The following BICDL1 variants were observed in gnomAD, a reference collection of about 807,000 sequenced individuals.
The protein encoded by BICDL1 is BICD family-like cargo adapter 1.
Under a neutral mutation model 76.8 loss-of-function variants are expected in BICDL1, and 20 were observed. The ratio of observed to expected loss-of-function variants is 0.26; its 90% CI spans 0.18 to 0.38. BICDL1 has a LOEUF of 0.38. Among genes scored for constraint, BICDL1 ranks in the 10% least tolerant of loss-of-function variants. The pLI is 1.00. For missense variants in BICDL1, 700 were observed against 798.6 expected (o/e 0.88, Z 1.49); for synonymous variants, 383 against 337.1 (o/e 1.14, Z -1.49).
intron 8 of BICDL1, among the ~76,000 whole-genome samples, chr12:120,083,821 A>G (rs567693911): frequency 6.6e-6 from 1 of 151,482 alleles, no homozygotes; most frequent in East Asian, 2.0e-4. Flanking sequence ...ATGCTTGGCT[A>G]ATTTTTCTGT....
chr12:120,069,658 G>C (rs892381350), intron 4 of BICDL1, among the ~76,000 whole-genome samples: 6 of 152,092 alleles, frequency 3.9e-5, no homozygotes, highest in African/African-American at 1.4e-4. Flanking sequence ...TCCACCTCCG[G>C]CTCCTTTCCA....
intron 2 of BICDL1, among the ~76,000 whole-genome samples, chr12:120,019,478 T>C (rs1952135900): frequency 6.6e-6 from 1 of 152,232 alleles, no homozygotes; most frequent in Non-Finnish European, 1.5e-5. Context: ...CAGAAGGTTA[T>C]AAAGTTTGAT....
intron 2 of BICDL1, among the ~76,000 whole-genome samples, chr12:120,043,054 A>G (rs1169646972): frequency 4.6e-5 from 7 of 152,258 alleles, no homozygotes; most frequent in African/African-American, 1.7e-4. Context: ...TTACTAGCTA[A>G]GTGACCTCAA....
At chr12:120,035,465 A>C (rs1952513725) in intron 2 of BICDL1, among the ~76,000 whole-genome samples, 1 of 152,216 alleles carries the variant, frequency 6.6e-6, no homozygotes, top group Non-Finnish European at 1.5e-5. Context: ...ATTTCTTTGA[A>C]ATGAAAAAAT....
chr12:120,029,804 G>A (rs1026125353), intron 2 of BICDL1, among the ~76,000 whole-genome samples: 7 of 152,004 alleles, frequency 4.6e-5, no homozygotes, highest in Non-Finnish European at 7.4e-5. Flanking sequence ...ACAGGCACCC[G>A]TCAGCTGTAA....
At chr12:119,995,241 G>A (rs1951617357) in intron 1 of BICDL1, among the ~76,000 whole-genome samples, 2 of 152,278 alleles carry the variant, frequency 1.3e-5, no homozygotes, top group Non-Finnish European at 1.5e-5. Flanking sequence ...TATAATTCTA[G>A]GAGAAACTTT....
chr12:120,067,419 T>C (rs927409600), intron 4 of BICDL1, among the ~76,000 whole-genome samples: 1 of 152,258 alleles, frequency 6.6e-6, no homozygotes, highest in African/African-American at 2.4e-5. Flanking sequence ...GTAAATGTAG[T>C]GTACTGTACA....
At chr12:119,992,651 G>A (rs900746218) in intron 1 of BICDL1, 1 of 152,246 alleles carries the variant, frequency 6.6e-6, no homozygotes. Flanking sequence ...TTCCAAAGTG[G>A]TGGGATTACA....
At chr12:120,056,357 G>C (rs1445748939) in intron 2 of BICDL1, among the ~76,000 whole-genome samples, 2 of 152,166 alleles carry the variant, frequency 1.3e-5, no homozygotes, top group Non-Finnish European at 2.9e-5. Context: ...TGCTTAGTTA[G>C]GCATGGTAGC....
At chr12:120,091,033 C>G in intron 9 of BICDL1, 1 of 1,288,956 alleles carries the variant, frequency 7.8e-7, no homozygotes, top group Non-Finnish European at 1.0e-6. Flanking sequence ...AGCCTGAGCC[C>G]TACATCCCAT....
chr12:120,090,270 C>T (rs1017348428), intron 9 of BICDL1, 199 bp downstream of exon 9: 22 of 612,694 alleles, frequency 3.6e-5, no homozygotes, highest in Non-Finnish European at 6.0e-5. Context: ...TTTTGAGCGA[C>T]AGTGCCCAGG....
At chr12:119,991,422 AG>A (rs1343192074) in intron 1 of BICDL1, among the ~76,000 whole-genome samples, 1 of 152,142 alleles carries the variant, frequency 6.6e-6, no homozygotes, top group Non-Finnish European at 1.5e-5. Flanking sequence ...TAAATCCGGG[AG>A]AAAAAAAGGA....
chr12:120,050,396 A>G (rs1342722831), intron 2 of BICDL1, among the ~76,000 whole-genome samples: 1 of 150,816 alleles, frequency 6.6e-6, no homozygotes, highest in African/African-American at 2.4e-5. Flanking sequence ...CCTCCCAAGT[A>G]GTTGGGACTA....
At position 119,989,977 on chromosome 12, in the gene BICDL1, C is replaced by CCCGCCG. The variant is rs748752437; in HGVS notation, c.121_126dup (p.Ala41_Ala42dup). On this transcript the variant is annotated inframe_insertion, in exon 1 of 10. Coordinates refer to ENST00000548673, the MANE Select transcript of BICDL1 (RefSeq NM_001367886.1). ...CGCGGCCGGGGACGCAGTCCGGAGT[C>CCCGCCG]CCGCCGCCGCCGCCGCCCTCATCTT... is the stretch of plus-strand genomic sequence containing the variant. 12 of 1,467,152 alleles carry CCCGCCG rather than the reference C, an allele frequency of 8.2e-6. No homozygotes were observed. Among genetic ancestry groups the CCCGCCG allele is most frequent in the Admixed American group, 8.1e-5 (3 of 36,910 alleles). The allele number at this position is 1,467,152 out of a possible 1,614,324, so 90.9% of individuals were successfully genotyped here. A position where few individuals can be genotyped will look rare whatever the true frequency, so the allele number is the denominator to read the frequency against.
chr12:119,992,080 T>C (rs1951536122), intron 1 of BICDL1, among the ~76,000 whole-genome samples: 1 of 152,242 alleles, frequency 6.6e-6, no homozygotes, highest in Admixed American at 6.5e-5. Context: ...ACTTAACATA[T>C]ACTTACAGGC....
In BICDL1 at chr12:120,011,503, A is replaced by G. The variant is rs1346332521; in HGVS notation, c.645+12767A>G. ...GTAACAGTATCACCTTTTTTGGTAC[A>G]CATTCACCATTCTATCCCAGATAGA... is the stretch of plus-strand genomic sequence containing the variant. On this transcript the variant is annotated intron_variant, in intron 2 of 9. Transcript: ENST00000548673. 2.6e-5 allele frequency among the ~76,000 whole-genome samples: 4 copies of G among 152,274 alleles called. 1 individual carries two copies. The highest frequency in any genetic ancestry group is 4.1e-4 in the South Asian group (2 of 4,824).
chr12:120,006,614 A>G (rs1360946066), intron 2 of BICDL1, among the ~76,000 whole-genome samples: 1 of 152,178 alleles, frequency 6.6e-6, no homozygotes, highest in Non-Finnish European at 1.5e-5. Context: ...ACCTTTGGGG[A>G]GGTGAAGTTT....
intron 2 of BICDL1, among the ~76,000 whole-genome samples, chr12:120,036,757 T>G (rs1952537800): frequency 6.6e-6 from 1 of 152,146 alleles, no homozygotes; most frequent in Non-Finnish European, 1.5e-5. Flanking sequence ...GCGCCTGTAG[T>G]CCCAGCTACT....
At chr12:119,997,508 A>G (rs1951675430) in intron 1 of BICDL1, among the ~76,000 whole-genome samples, 2 of 152,224 alleles carry the variant, frequency 1.3e-5, no homozygotes, top group African/African-American at 2.4e-5. Flanking sequence ...TTAATGGGCC[A>G]TGATTTAAAG....
Sources: gnomAD v4.1 joint callset for allele counts (sites outside exome capture counted in the v4.1 genomes callset) on GRCh38, gnomAD v4.1.1 for gene constraint, MANE v1.5 for transcripts, NCBI Gene and HGNC (gene_info 2026-07-23, HGNC 2026-07-21) for gene names.